Variants in CHST9 observed in about 807,000 individuals in gnomAD.
CHST9 encodes the protein carbohydrate sulfotransferase 9, also known as GalNAc-4-sulfotransferase 2.
A neutral mutation model predicts 44.4 loss-of-function variants in CHST9; 41 were observed. The ratio of observed to expected loss-of-function variants is 0.92; its 90% confidence interval spans 0.72 to 1.20. CHST9 has a LOEUF of 1.20. Among genes scored for constraint, CHST9 ranks in the 50% most tolerant of loss-of-function variants. CHST9 has a pLI of 0.00. For missense variants in CHST9, 504 were observed against 516.5 expected (o/e 0.98, Z 0.23); for synonymous variants, 171 against 178.4 (o/e 0.96, Z 0.33).
At chr18:26,972,357 C>CAAAAAA (rs887066938) in intron 4 of CHST9, among the ~76,000 whole-genome samples, 20 of 65,228 alleles carry the variant, frequency 3.1e-4, no homozygotes, top group African/African-American at 9.3e-4. Flanking sequence ...ACTCCAACTC[C>CAAAAAA]AAAAAAAAAA....
intron 2 of CHST9, among the ~76,000 whole-genome samples, chr18:27,104,301 G>C (rs2143760070): frequency 6.6e-6 from 1 of 152,272 alleles, no homozygotes; most frequent in East Asian, 1.9e-4. Context: ...TCTGAACAAG[G>C]AGTTGTGTGT....
intron 2 of CHST9, among the ~76,000 whole-genome samples, chr18:27,053,347 A>G (rs541007743): frequency 3.2e-4 from 38 of 117,602 alleles, no homozygotes; most frequent in Middle Eastern, 8.3e-3. Context: ...AAAAAAAAAA[A>G]GCAATAATTA....
At chr18:26,923,824 T>G (rs1191074202) in intron 5 of CHST9, among the ~76,000 whole-genome samples, 3 of 152,170 alleles carry the variant, frequency 2.0e-5, no homozygotes, top group African/African-American at 7.2e-5. Context: ...AAAAAGTGCT[T>G]AATTTTTCTG....
chr18:27,117,035 A>G (rs2058328542), intron 2 of CHST9, among the ~76,000 whole-genome samples: 1 of 151,882 alleles, frequency 6.6e-6, no homozygotes. Context: ...TCTCCTTTCC[A>G]ATCTACATAC....
intron 5 of CHST9, among the ~76,000 whole-genome samples, chr18:26,923,573 T>C (rs2055703632): frequency 6.6e-6 from 1 of 152,234 alleles, no homozygotes. Flanking sequence ...CCTTATATAC[T>C]ATTGTGGATC....
chr18:27,140,708 A>G (rs192342926), intron 2 of CHST9, among the ~76,000 whole-genome samples: 1 of 152,290 alleles, frequency 6.6e-6, no homozygotes, highest in African/African-American at 2.4e-5. Flanking sequence ...ACAAAAACTT[A>G]CTGAAGGCTT....
intron 2 of CHST9, among the ~76,000 whole-genome samples, chr18:27,132,422 A>T (rs1205989377): frequency 6.6e-6 from 1 of 152,196 alleles, no homozygotes; most frequent in Non-Finnish European, 1.5e-5. Context: ...ACCCCAAACC[A>T]AGCAATTTAA....
chr18:26,916,562 T>A lies in CHST9; in HGVS notation c.1029A>T (p.Pro343=). 1 of 1,613,850 alleles carries A rather than the reference T, an allele frequency of 6.2e-7. No individual in the cohort carries two copies. Among genetic ancestry groups the A allele is most frequent in the Non-Finnish European group, 8.5e-7 (1 of 1,179,726 alleles). The part of the protein sequence containing the change: ...FIHYLLDSHR[P]VGMDIHWEKV... ...TTTCCCAGTGAATGTCCATTCCTAC[T>A]GGACGGTGGGAATCCAGCAAGTAGT... The change falls in exon 6 of 6, where the codon CCA becomes CCT. Residue 343 remains proline, a synonymous_variant. Transcript: ENST00000618847.
chr18:26,938,380 G>A (rs917867540), intron 5 of CHST9, among the ~76,000 whole-genome samples: 3 of 152,074 alleles, frequency 2.0e-5, no homozygotes, highest in African/African-American at 7.2e-5. Flanking sequence ...AAAAAGACTC[G>A]TAAATTGGAT....
intron 1 of CHST9, among the ~76,000 whole-genome samples, chr18:27,182,949 T>C (rs1007427131): frequency 6.6e-6 from 1 of 152,206 alleles, no homozygotes. Flanking sequence ...TTGGAAGATG[T>C]TACATTCTCC....
intron 2 of CHST9, among the ~76,000 whole-genome samples, chr18:27,099,414 G>A (rs528217869): frequency 6.6e-6 from 1 of 152,150 alleles, no homozygotes; most frequent in Non-Finnish European, 1.5e-5. Context: ...TACAGAACAG[G>A]AGACAAGTGT....
chr18:27,163,162 G>T (rs578219923), intron 1 of CHST9, among the ~76,000 whole-genome samples: 1 of 152,138 alleles, frequency 6.6e-6, no homozygotes, highest in East Asian at 1.9e-4. Flanking sequence ...CTGCCTGATC[G>T]TTCCTCTGGA....
chr18:27,035,313 G>C (rs1317081353), intron 3 of CHST9, among the ~76,000 whole-genome samples: 1 of 152,118 alleles, frequency 6.6e-6, no homozygotes, highest in African/African-American at 2.4e-5. Context: ...CTTTTGAGCA[G>C]TGTTTATTCA....
At chr18:27,160,743 A>T (rs973121056) in intron 1 of CHST9, among the ~76,000 whole-genome samples, 1 of 152,080 alleles carries the variant, frequency 6.6e-6, no homozygotes, top group African/African-American at 2.4e-5. Flanking sequence ...CTGATCCTGG[A>T]CTTTTTTTGA....
At chr18:26,988,716 A>G (rs1197631922) in intron 4 of CHST9, among the ~76,000 whole-genome samples, 3 of 152,192 alleles carry the variant, frequency 2.0e-5, no homozygotes, top group Non-Finnish European at 4.4e-5. Context: ...GAAAGACTCT[A>G]TCCAACAATA....
chr18:27,003,426 C>G (rs1431659548), intron 4 of CHST9, among the ~76,000 whole-genome samples: 3 of 152,134 alleles, frequency 2.0e-5, no homozygotes, highest in Non-Finnish European at 4.4e-5. Context: ...GCGAAGTTTT[C>G]TTTGTTTCAA....
intron 5 of CHST9, among the ~76,000 whole-genome samples, chr18:26,922,943 G>T (rs2055690027): frequency 6.6e-6 from 1 of 152,062 alleles, no homozygotes; most frequent in African/African-American, 2.4e-5. Flanking sequence ...GCCAATTCTT[G>T]TTATTTTTAA....
intron 2 of CHST9, among the ~76,000 whole-genome samples, chr18:27,064,460 C>A (rs114780505): frequency 6.8e-4 from 103 of 152,266 alleles, no homozygotes; most frequent in African/African-American, 2.4e-3. Context: ...ACTATTTGAG[C>A]TATAAGCAAA....
intron 4 of CHST9, among the ~76,000 whole-genome samples, chr18:26,978,741 T>C (rs1156421047): frequency 2.0e-5 from 3 of 152,222 alleles, no homozygotes; most frequent in African/African-American, 7.2e-5. Context: ...CGGTCCTTCC[T>C]ACCTCACAGG....
Sources: allele counts gnomAD v4.1 joint callset (sites outside exome capture counted in the v4.1 genomes callset), GRCh38; gene constraint gnomAD v4.1.1; transcripts MANE v1.5; gene names NCBI Gene and HGNC (gene_info 2026-07-23, HGNC 2026-07-21).